Variants in NUP210L observed in about 807,000 individuals in gnomAD.
NUP210L encodes nuclear pore membrane glycoprotein 210-like.
In NUP210L, 74 loss-of-function variants were observed where a neutral mutation model predicts 208.5. The observed-to-expected ratio is 0.35, with a 90% CI of 0.29 to 0.43. The LOEUF (loss-of-function observed/expected upper bound fraction) is 0.43. NUP210L is among the 20% of genes least tolerant of loss of function. The pLI is 1.00. For synonymous variants in NUP210L, 780 were observed against 816.9 expected (o/e 0.95, Z 0.77); for missense variants, 1,843 against 2,289.4 (o/e 0.81, Z 3.98).
intron 12 of NUP210L, among the ~76,000 whole-genome samples, chr1:154,106,609 C>A (rs990526064): frequency 6.6e-6 from 1 of 152,182 alleles, no homozygotes; most frequent in African/African-American, 2.4e-5. Flanking sequence ...GTGGTGGTGG[C>A]CACAGAGGGG....
At chr1:154,003,694 C>G (rs2147891857) in intron 35 of NUP210L, among the ~76,000 whole-genome samples, 1 of 152,104 alleles carries the variant, frequency 6.6e-6, no homozygotes, top group East Asian at 1.9e-4. Context: ...TGCTATGTTG[C>G]CCAGGCTGGT....
chr1:154,045,975 A>G, intron 27 of NUP210L, 94 bp downstream of exon 27: 1,554 of 903,456 alleles, frequency 1.7e-3, no homozygotes, highest in Non-Finnish European at 2.3e-3. Flanking sequence ...ACAGAGTGAG[A>G]CCTCATCTCA....
At chr1:153,999,541 C>T (rs1004391188) in intron 37 of NUP210L, among the ~76,000 whole-genome samples, 1 of 151,968 alleles carries the variant, frequency 6.6e-6, no homozygotes, top group African/African-American at 2.4e-5. Flanking sequence ...AGTTCCAGAC[C>T]AGCCTGGCCA....
intron 2 of NUP210L, among the ~76,000 whole-genome samples, chr1:154,149,119 CTT>C (rs1659262490): frequency 9.2e-6 from 1 of 108,168 alleles, no homozygotes; most frequent in East Asian, 3.0e-4. Flanking sequence ...GAGTTTTGCT[CTT>C]GTCGCCCAGG....
rs1330499806 is a variant in NUP210L, at chr1:154,001,080, CT to C, written c.5182-21del. ...GATGACCTTGGAGAAAAGATAAAAC[CT>C]TTTATTTAAAAGAAGAAAAATCAAC... On this transcript the variant is annotated intron_variant, in intron 36 of 39. Coordinates refer to ENST00000368559, the Ensembl canonical transcript of NUP210L. The C allele has an allele frequency of 6.2e-7, 1 of 1,602,210 alleles. No individual in the cohort carries two copies. The highest frequency in any genetic ancestry group is 8.5e-7 in the Non-Finnish European group (1 of 1,172,434).
chr1:154,079,565 T>C (rs1489542054), intron 16 of NUP210L: 1 of 152,178 alleles, frequency 6.6e-6, no homozygotes, highest in Non-Finnish European at 1.5e-5. Context: ...AACTGAAATC[T>C]TTACAGAAAA....
intron 15 of NUP210L, among the ~76,000 whole-genome samples, chr1:154,093,518 T>C (rs1340897318): frequency 6.6e-6 from 1 of 152,194 alleles, no homozygotes; most frequent in African/African-American, 2.4e-5. Context: ...TAGTTATATA[T>C]ACAGTAAAGT....
At position 154,035,357 on chromosome 1, in the gene NUP210L, G is replaced by A. The variant is rs1279541680; in HGVS notation, c.3697-5303C>T. ...GGTATGGTTTGCTCTTGCTTTTCTC[G>A]TTCTTTAAGATGCTTCATTAGGCTT... On this transcript the variant is annotated intron_variant, in intron 27 of 39. Coordinates refer to ENST00000368559, the Ensembl canonical transcript of NUP210L. 3.4e-5 allele frequency among the ~76,000 whole-genome samples: 5 copies of A among 148,740 alleles called. No individual in the cohort carries two copies. In the South Asian group the frequency reaches 1.1e-3, roughly 31 times the overall value.
At chr1:153,996,186 G>A (rs541868650) in intron 37 of NUP210L, among the ~76,000 whole-genome samples, 4 of 152,088 alleles carry the variant, frequency 2.6e-5, no homozygotes, top group East Asian at 3.9e-4. Context: ...CAGCTACTTG[G>A]GAGGCTGAGG....
At chr1:153,999,361 G>A (rs1650075011) in intron 37 of NUP210L, among the ~76,000 whole-genome samples, 2 of 152,192 alleles carry the variant, frequency 1.3e-5, no homozygotes. Flanking sequence ...ATTTGGGAAA[G>A]CTAAGTCTTG....
chr1:154,124,684 G>A (rs1657791289), intron 10 of NUP210L, among the ~76,000 whole-genome samples: 1 of 152,196 alleles, frequency 6.6e-6, no homozygotes, highest in South Asian at 2.1e-4. Context: ...GGTAGTGGTG[G>A]CTCACACCTG....
chr1:154,051,622 A>G (rs553190472), intron 25 of NUP210L, among the ~76,000 whole-genome samples: 6 of 152,358 alleles, frequency 3.9e-5, no homozygotes, highest in African/African-American at 1.4e-4. Flanking sequence ...AACTTGCCAG[A>G]TGGTACATTT....
intron 25 of NUP210L, among the ~76,000 whole-genome samples, chr1:154,049,831 C>T (rs529598307): frequency 1.3e-5 from 2 of 152,242 alleles, no homozygotes; most frequent in South Asian, 2.1e-4. Flanking sequence ...CTTAGCTTAG[C>T]AAGACTGTGA....
chr1:154,000,969 T>C lies in NUP210L; in HGVS notation c.5273A>G (p.Asn1758Ser), dbSNP rs186494072. The change falls in exon 37 of 40, where the codon AAC becomes AGC. Residue 1758 changes from asparagine (N) to serine (S), a missense_variant. This residue lies in a region of NUP210L where 781 missense variants were observed against 973.8 expected (regional missense o/e 0.80). Coordinates refer to ENST00000368559, the Ensembl canonical transcript of NUP210L. Reference sequence around the variant, plus strand: ...TGCCATTTGCTGGAAGGAAGTGAAGTTGACCACTCTTACAGAGTAAATGGC... The same window carrying C: ...TGCCATTTGCTGGAAGGAAGTGAAGCTGACCACTCTTACAGAGTAAATGGC... 232 of 1,614,140 alleles carry C rather than the reference T, an allele frequency of 1.4e-4. No homozygotes were observed. The highest frequency in any genetic ancestry group is 1.6e-4 in the Non-Finnish European group (187 of 1,180,012).
At chr1:154,064,644 T>A (rs1175135847) in intron 17 of NUP210L, among the ~76,000 whole-genome samples, 2 of 152,172 alleles carry the variant, frequency 1.3e-5, no homozygotes, top group African/African-American at 4.8e-5. Context: ...AGACTATAAG[T>A]ATATGAGGGA....
intron 2 of NUP210L, among the ~76,000 whole-genome samples, chr1:154,149,845 T>C (rs188514170): frequency 6.6e-6 from 1 of 152,374 alleles, no homozygotes; most frequent in Non-Finnish European, 1.5e-5. Context: ...ATATAACAGA[T>C]ATTTTTATTT....
intron 16 of NUP210L, among the ~76,000 whole-genome samples, chr1:154,071,627 CTT>C (rs893742878): frequency 3.5e-4 from 35 of 99,780 alleles, no homozygotes; most frequent in Middle Eastern, 6.3e-3. Context: ...CAATTCATTC[CTT>C]TTTTTTTTTT....
Position 154,054,211 on chromosome 1 carries a change from G to C in NUP210L, c.3483+17C>G. On this transcript the variant is annotated intron_variant, in intron 25 of 39. Coordinates refer to ENST00000368559, the Ensembl canonical transcript of NUP210L. Reference sequence around the variant, plus strand: ...TCAATAGAAGAATAGAAGCAGAGCAGAGCAAATAACCAATACCTGAGAAAA... The same window carrying C: ...TCAATAGAAGAATAGAAGCAGAGCACAGCAAATAACCAATACCTGAGAAAA... 13 of 1,613,256 alleles carry C rather than the reference G, an allele frequency of 8.1e-6. No homozygotes were observed. The highest frequency in any genetic ancestry group is 1.1e-5 in the Non-Finnish European group (13 of 1,179,284).
intron 12 of NUP210L, among the ~76,000 whole-genome samples, chr1:154,106,345 G>C (rs1355578993): frequency 1.3e-5 from 2 of 152,140 alleles, no homozygotes; most frequent in African/African-American, 2.4e-5. Context: ...CAGTAGAATA[G>C]AGCATCAGGT....
Sources: allele counts gnomAD v4.1 joint callset (sites outside exome capture counted in the v4.1 genomes callset), GRCh38; gene constraint gnomAD v4.1.1; regional missense constraint gnomAD v4.1.1; transcripts MANE v1.5; gene names NCBI Gene and HGNC (gene_info 2026-07-23, HGNC 2026-07-21).